PREPL: variants seen among roughly 807,000 people sequenced by gnomAD.
PREPL encodes prolyl endopeptidase like.
PREPL carries 77 observed loss-of-function variants against 70.6 expected under a neutral mutation model. The ratio of observed to expected loss-of-function variants is 1.09; its 90% CI spans 0.91 to 1.32. The LOEUF (loss-of-function observed/expected upper bound fraction) is 1.32. Ranked by LOEUF, PREPL falls within the 40% of genes most tolerant of loss-of-function variation. PREPL has a pLI of 0.00. For missense variants in PREPL, 1,002 were observed against 778.2 expected, an observed-to-expected ratio of 1.29 and a Z score of -3.42; for synonymous variants, 315 against 264.8, an observed-to-expected ratio of 1.19 and a Z score of -1.84.
intron 1 of PREPL, among the ~76,000 whole-genome samples, chr2:44,354,104 C>T (rs1005927895): frequency 3.2e-4 from 49 of 152,050 alleles, no homozygotes; most frequent in African/African-American, 1.1e-3. Flanking sequence ...TGCAGTAAGC[C>T]ATGTTTGTGC....
At position 44,329,059 on chromosome 2, in the gene PREPL, C is replaced by G. The variant is rs779284448; in HGVS notation, c.1140G>C (p.Leu380Phe). The change falls in exon 9 of 14, where the codon TTG (leucine) becomes TTC (phenylalanine). Residue 380 changes from leucine (L) to phenylalanine (F), a missense_variant. Leu to Phe is a conservative substitution (Grantham distance 22). Coordinates refer to ENST00000409411, the MANE Select transcript of PREPL (RefSeq NM_001171613.2). ...CATGTACCAAGAGAGGTTTCTTCTG[C>G]AAGTCCTCAGAGTCAGTTTTGTGGA... Reference protein sequence around the residue: ...TVFHKTDSEDLQKKPLLVHVY... With the variant: ...TVFHKTDSEDFQKKPLLVHVY... The G allele has an allele frequency of 6.2e-7, 1 of 1,612,182 alleles. No individual in the cohort carries two copies. The highest frequency in any genetic ancestry group is 2.2e-5 in the East Asian group (1 of 44,884).
chr2:44,323,914 T>C (rs1675830787), intron 10 of PREPL, among the ~76,000 whole-genome samples: 1 of 152,208 alleles, frequency 6.6e-6, no homozygotes, highest in South Asian at 2.1e-4. Context: ...ATCCAGCAAT[T>C]CCACTCCTGG....
chr2:44,326,500 T>G (rs1461261514), intron 10 of PREPL, among the ~76,000 whole-genome samples: 4 of 151,600 alleles, frequency 2.6e-5, no homozygotes, highest in Non-Finnish European at 5.9e-5. Context: ...GGTAGGTTTT[T>G]TTTTTTTTTT....
chr2:44,359,548 G>C (rs1427492359), intron 1 of PREPL: 1 of 1,613,230 alleles, frequency 6.2e-7, no homozygotes, highest in East Asian at 2.2e-5. Flanking sequence ...CTGATATCTT[G>C]GGTTTATTCT....
chr2:44,321,947 T>C (rs1673003006), intron 12 of PREPL, 47 bp from the exon 13 acceptor site: 1 of 1,564,710 alleles, frequency 6.4e-7, no homozygotes, highest in Non-Finnish European at 8.7e-7. Context: ...TATGGGATCT[T>C]CTTTGGAAGA....
intron 1 of PREPL, chr2:44,360,587 A>C (rs1677617240): frequency 6.6e-6 from 1 of 152,208 alleles, no homozygotes; most frequent in South Asian, 2.1e-4. Flanking sequence ...ATTAACCTTG[A>C]TTGCTAATAA....
At chr2:44,346,190 T>C (rs1675799135) in intron 2 of PREPL, 78 bp downstream of exon 2, 1 of 1,383,568 alleles carries the variant, frequency 7.2e-7, no homozygotes, top group East Asian at 2.3e-5. Flanking sequence ...GGACTATGTC[T>C]CTAAATCACC....
intron 2 of PREPL, 79 bp from the exon 3 acceptor site, chr2:44,344,665 AAATG>A (rs1675591552): frequency 9.4e-7 from 1 of 1,064,430 alleles, no homozygotes. Flanking sequence ...GATGAAGATG[AAATG>A]AAGACTCTTA....
Position 44,328,989 on chromosome 2 carries a change from C to CA in PREPL, c.1209dup (p.Glu404Ter). The CA allele has an allele frequency of 1.9e-6, 3 of 1,614,124 alleles. No individual in the cohort carries two copies. Among genetic ancestry groups the CA allele is most frequent in the Non-Finnish European group, 2.5e-6 (3 of 1,180,004 alleles). ...CCATCATCCACCAGGACCCGCCTCTCAGGCCTGAAATTCATTTTCAAATCC... is the reference window on the plus strand; with the variant it reads ...CCATCATCCACCAGGACCCGCCTCTCAAGGCCTGAAATTCATTTTCAAATCC... On this transcript the variant is annotated frameshift_variant, in exon 9 of 14. Coordinates refer to ENST00000409411, the MANE Select transcript of PREPL (RefSeq NM_001171613.2). LOFTEE classifies it high-confidence loss of function.
At chr2:44,338,675 G>C (rs1674892574) in intron 6 of PREPL, 139 bp from the exon 7 acceptor site, 4 of 727,188 alleles carry the variant, frequency 5.5e-6, no homozygotes, top group African/African-American at 5.3e-5. Context: ...CTGCATCAGG[G>C]ATAAAGTGTG....
intron 10 of PREPL, among the ~76,000 whole-genome samples, chr2:44,323,616 CAT>C (rs1287276181): frequency 6.6e-6 from 1 of 152,166 alleles, no homozygotes; most frequent in Non-Finnish European, 1.5e-5. Flanking sequence ...CCTTAAATGA[CAT>C]ATAACAAGAA....
At chr2:44,344,473 A>C (rs994927825) in intron 3 of PREPL, 47 bp downstream of exon 3, 2 of 1,281,588 alleles carry the variant, frequency 1.6e-6, no homozygotes, top group Middle Eastern at 2.0e-4. Flanking sequence ...TATAAAAAAT[A>C]TGAAATCTGA....
chr2:44,321,693 C>T (rs750685954), intron 13 of PREPL, 134 bp downstream of exon 13: 7 of 1,570,500 alleles, frequency 4.5e-6, no homozygotes, highest in African/African-American at 1.4e-5. Context: ...CCCTCCCTCC[C>T]CTCCTGGGTC....
At chr2:44,341,753 A>C (rs75351965) in intron 5 of PREPL, among the ~76,000 whole-genome samples, 1 of 151,924 alleles carries the variant, frequency 6.6e-6, no homozygotes, top group Non-Finnish European at 1.5e-5. Flanking sequence ...TAAAAAAAAA[A>C]CCATTGTTAG....
In PREPL at chr2:44,359,736, A is replaced by T. The variant is rs1346035019; in HGVS notation, c.-49+1644T>A. 3.2e-6 allele frequency: 5 copies of T among 1,544,886 alleles called. No individual in the cohort carries two copies. In the South Asian group the frequency reaches 4.5e-5, roughly 14 times the overall value. ...TGCATGATATCAAAGTCCCTGGTTTATGCTCCTTTTGGGGCTGCCAGCACA... is the reference window on the plus strand; with the variant it reads ...TGCATGATATCAAAGTCCCTGGTTTTTGCTCCTTTTGGGGCTGCCAGCACA... On this transcript the variant is annotated intron_variant, in intron 1 of 13. Transcript: ENST00000409411.
rs540702103 is a variant in PREPL at position 44,318,282 on chromosome 2, G to A, written c.*3074C>T. On this transcript the variant is annotated 3_prime_UTR_variant, in exon 14 of 14. Transcript: ENST00000409411. ...ATTTCTGTATTTTTTAGTAGAGATG[G>A]TGTTTCACCATGTTGGCCAGGCTGG... is the stretch of plus-strand genomic sequence containing the variant. 6 of 273,930 alleles carry A rather than the reference G, an allele frequency of 2.2e-5. No individual in the cohort carries two copies. The highest frequency in any genetic ancestry group is 1.2e-4 in the African/African-American group (5 of 42,820). The allele number at this position is 273,930 out of a possible 1,614,324, so 17.0% of individuals were successfully genotyped here. A position where few individuals can be genotyped will look rare whatever the true frequency, so the allele number is the denominator to read the frequency against.
At chr2:44,341,698 A>T (rs536994026) in intron 5 of PREPL, among the ~76,000 whole-genome samples, 117 of 151,970 alleles carry the variant, frequency 7.7e-4, no homozygotes, top group African/African-American at 2.7e-3. Context: ...TTTAAAATGT[A>T]TTATAAAAAT....
At chr2:44,322,381 G>A (rs1673062101) in intron 12 of PREPL, among the ~76,000 whole-genome samples, 1 of 152,156 alleles carries the variant, frequency 6.6e-6, no homozygotes, top group East Asian at 1.9e-4. Context: ...AAAAATCTCA[G>A]AATCTGTCTT....
Position 44,320,194 on chromosome 2 carries a change from A to G in PREPL, c.*1162T>C, listed in dbSNP as rs772586246. 12 of 1,610,396 alleles carry G rather than the reference A, an allele frequency of 7.5e-6. No homozygotes were observed. The highest frequency in any genetic ancestry group is 1.0e-5 in the Non-Finnish European group (12 of 1,177,340). On this transcript the variant is annotated 3_prime_UTR_variant, in exon 14 of 14. Transcript: ENST00000409411. The stretch of plus-strand genomic sequence containing the variant: ...ACTTACGTAAATACTTTTTTAAAAA[A>G]ATAGGTCCAAAAGACTCAGCCCAGA...
Sources: gnomAD v4.1 joint callset for allele counts (sites outside exome capture counted in the v4.1 genomes callset) on GRCh38, gnomAD v4.1.1 for gene constraint, MANE v1.5 for transcripts, NCBI Gene and HGNC (gene_info 2026-07-23, HGNC 2026-07-21) for gene names.